Variants in PDGFD observed in about 807,000 individuals in gnomAD.
PDGFD encodes platelet derived growth factor D, also known as platelet-derived growth factor D.
A neutral mutation model predicts 44.7 loss-of-function variants in PDGFD; 30 were observed. That is an observed-to-expected ratio of 0.67 (90% CI 0.50 to 0.91). The LOEUF (loss-of-function observed/expected upper bound fraction) is 0.91, where lower values mean the gene tolerates loss of function less well. Among genes scored for constraint, PDGFD ranks in the 40% least tolerant of loss-of-function variants. The pLI, the probability that PDGFD is intolerant of heterozygous loss-of-function variation, is 0.00. For missense variants in PDGFD, 445 were observed against 457.8 expected (o/e 0.97, Z 0.25); for synonymous variants, 173 against 168.4 (o/e 1.03, Z -0.21).
intron 3 of PDGFD, among the ~76,000 whole-genome samples, chr11:103,983,022 C>A (rs577398980): frequency 6.6e-6 from 1 of 151,834 alleles, no homozygotes; most frequent in South Asian, 2.1e-4. Flanking sequence ...AATGCTATTC[C>A]CATTAAATTA....
At chr11:104,040,201 C>A (rs1158763037) in intron 1 of PDGFD, among the ~76,000 whole-genome samples, 1 of 152,026 alleles carries the variant, frequency 6.6e-6, no homozygotes, top group Non-Finnish European at 1.5e-5. Context: ...TAGGTTTTCA[C>A]CAGATTCTTT....
intron 5 of PDGFD, among the ~76,000 whole-genome samples, 169 bp downstream of exon 5, chr11:103,943,283 G>A (rs1411602916): frequency 1.3e-5 from 2 of 152,072 alleles, no homozygotes. Flanking sequence ...TCAGATTTTT[G>A]GATTAGGGAT....
chr11:103,948,786 T>C (rs764687537), intron 3 of PDGFD, among the ~76,000 whole-genome samples: 1 of 152,108 alleles, frequency 6.6e-6, no homozygotes, highest in Non-Finnish European at 1.5e-5. Context: ...ATGATGAGGC[T>C]GGTTTATATA....
intron 6 of PDGFD, among the ~76,000 whole-genome samples, chr11:103,921,650 T>C (rs1858223373): frequency 1.3e-5 from 2 of 151,818 alleles, no homozygotes; most frequent in African/African-American, 4.8e-5. Flanking sequence ...GGATAATCTG[T>C]ACCAATTTAT....
At chr11:103,986,822 T>G (rs919523236) in intron 3 of PDGFD, among the ~76,000 whole-genome samples, 1 of 152,222 alleles carries the variant, frequency 6.6e-6, no homozygotes. Flanking sequence ...AGCTGGAGGC[T>G]GCAAGATTCT....
intron 1 of PDGFD, among the ~76,000 whole-genome samples, chr11:104,049,486 A>G (rs1434717430): frequency 6.6e-6 from 1 of 152,060 alleles, no homozygotes; most frequent in Non-Finnish European, 1.5e-5. Context: ...TCTAAGTGTT[A>G]TGGCTTTTAG....
At chr11:103,976,157 C>A (rs1859181124) in intron 3 of PDGFD, among the ~76,000 whole-genome samples, 4 of 151,992 alleles carry the variant, frequency 2.6e-5, no homozygotes, top group Admixed American at 2.6e-4. Flanking sequence ...CTGTTTGTGT[C>A]TTCTCTTATT....
In PDGFD at chr11:103,998,780, T is replaced by C. The variant is rs551549376; in HGVS notation, c.329+1271A>G. Among the ~76,000 whole-genome samples, 23 of 152,246 alleles carry C rather than the reference T, an allele frequency of 1.5e-4. No homozygotes were observed. In the South Asian group the frequency reaches 3.1e-3, roughly 21 times the overall value. Reference sequence around the variant, plus strand: ...TTAACTTGTGGGATCTGACACTGATTCCAGGTAGTGTCTGAATTGAATTGA... The same window carrying C: ...TTAACTTGTGGGATCTGACACTGATCCCAGGTAGTGTCTGAATTGAATTGA... On this transcript the variant is annotated intron_variant, in intron 2 of 6. Coordinates refer to ENST00000393158, the MANE Select transcript of PDGFD (RefSeq NM_025208.5).
intron 1 of PDGFD, among the ~76,000 whole-genome samples, chr11:104,025,304 C>T (rs1591126136): frequency 6.6e-6 from 1 of 152,336 alleles, no homozygotes; most frequent in East Asian, 1.9e-4. Flanking sequence ...TTGACCCAGG[C>T]ATCAAGATTT....
At chr11:104,102,314 A>G (rs1472445911) in intron 1 of PDGFD, among the ~76,000 whole-genome samples, 4 of 152,200 alleles carry the variant, frequency 2.6e-5, no homozygotes, top group Non-Finnish European at 5.9e-5. Context: ...GCAGCCAAAA[A>G]ACACATGAAA....
chr11:104,047,541 T>C (rs1405640083), intron 1 of PDGFD, among the ~76,000 whole-genome samples: 2 of 147,472 alleles, frequency 1.4e-5, no homozygotes, highest in Admixed American at 1.4e-4. Flanking sequence ...CACCTTCTTT[T>C]AATAAGCGTC....
chr11:104,005,842 A>C (rs191923980), intron 1 of PDGFD, among the ~76,000 whole-genome samples: 97 of 152,320 alleles, frequency 6.4e-4, no homozygotes, highest in African/African-American at 2.1e-3. Flanking sequence ...TAAACTACAA[A>C]AATAGGAAAA....
At chr11:104,085,675 A>G (rs1367786563) in intron 1 of PDGFD, among the ~76,000 whole-genome samples, 1 of 152,210 alleles carries the variant, frequency 6.6e-6, no homozygotes, top group African/African-American at 2.4e-5. Flanking sequence ...TCAAAATGAA[A>G]GAAGGTAAAA....
intron 3 of PDGFD, among the ~76,000 whole-genome samples, chr11:103,984,240 T>C (rs1591106985): frequency 6.6e-6 from 1 of 151,704 alleles, no homozygotes; most frequent in Non-Finnish European, 1.5e-5. Flanking sequence ...TAAAAAAGAA[T>C]GACACCACAT....
chr11:104,108,600 G>T (rs967978098), intron 1 of PDGFD, among the ~76,000 whole-genome samples: 3 of 152,182 alleles, frequency 2.0e-5, no homozygotes, highest in South Asian at 2.1e-4. Flanking sequence ...TACACTGTTG[G>T]TGAGACTGTA....
chr11:104,008,133 A>G, intron 1 of PDGFD, among the ~76,000 whole-genome samples: 1 of 152,086 alleles, frequency 6.6e-6, no homozygotes, highest in South Asian at 2.1e-4. Flanking sequence ...TATTCACACC[A>G]TGTCATCCCT....
At chr11:103,982,559 T>C (rs1859287599) in intron 3 of PDGFD, among the ~76,000 whole-genome samples, 1 of 151,812 alleles carries the variant, frequency 6.6e-6, no homozygotes, top group African/African-American at 2.4e-5. Context: ...ATTGAAATTC[T>C]GGCCAGGGCA....
chr11:103,996,209 G>C lies in PDGFD; in HGVS notation c.366C>G (p.Thr122=). The C allele has an allele frequency of 6.2e-6, 10 of 1,612,172 alleles. No individual in the cohort carries two copies. Among genetic ancestry groups the C allele is most frequent in the Non-Finnish European group, 8.5e-6 (10 of 1,179,140 alleles). Residue 122 remains threonine (T), a synonymous_variant, in exon 3 of 7, where the codon ACC becomes ACG. Transcript: ENST00000393158. ...DFVEVEDISE[T]STIIRGRWCG... ...ACCATCGTCCTCTAATAATGGTACT[G>C]GTTTCGGATATATCTTCAACTTCCA...
At chr11:103,962,871 A>G (rs1858960980) in intron 3 of PDGFD, among the ~76,000 whole-genome samples, 1 of 152,102 alleles carries the variant, frequency 6.6e-6, no homozygotes, top group African/African-American at 2.4e-5. Flanking sequence ...AAATGAGTAC[A>G]ATCTTTCTAA....
Sources: gnomAD v4.1 joint callset for allele counts (sites outside exome capture counted in the v4.1 genomes callset) on GRCh38, gnomAD v4.1.1 for gene constraint, MANE v1.5 for transcripts, NCBI Gene and HGNC (gene_info 2026-07-23, HGNC 2026-07-21) for gene names.